DNAH7: variants seen among roughly 807,000 people sequenced by gnomAD.
The protein encoded by DNAH7 is axonemal beta dynein heavy chain 7.
Under a neutral mutation model 444.6 loss-of-function variants are expected in DNAH7, and 397 were observed. The observed-to-expected ratio is 0.89, with a 90% CI of 0.82 to 0.97. The LOEUF is 0.97. Among genes scored for constraint, DNAH7 ranks in the 50% least tolerant of loss-of-function variants. The probability of loss-of-function intolerance (pLI) is 0.00; values close to 1 mark genes in which losing one functional copy is unlikely to be tolerated. For synonymous variants in DNAH7, 1,636 were observed against 1,624.4 expected, an observed-to-expected ratio of 1.01 and a Z score of -0.17; for missense variants, 4,902 against 4,800.8, an observed-to-expected ratio of 1.02 and a Z score of -0.62.
At chr2:195,982,979 T>C (rs1421186799) in intron 15 of DNAH7, among the ~76,000 whole-genome samples, 2 of 152,170 alleles carry the variant, frequency 1.3e-5, no homozygotes, top group Non-Finnish European at 2.9e-5. Flanking sequence ...TAAAAGTATG[T>C]AATTGGATTG....
At position 195,737,933 on chromosome 2, in the gene DNAH7, T is replaced by TTGAC. The variant is rs1692737409; in HGVS notation, c.12059_12062dup (p.Leu4022SerfsTer3). 2.5e-6 allele frequency: 4 copies of TTGAC among 1,613,890 alleles called. No individual in the cohort carries two copies. Among genetic ancestry groups the TTGAC allele is most frequent in the Middle Eastern group, 1.7e-4 (1 of 6,058 alleles). ...TGATGTCTTCTGGTTATGAATTAAG[T>TTGAC]TGACATAACAGTGCTACACCTCGTC... On this transcript the variant is annotated frameshift_variant, in exon 65 of 65. Transcript: ENST00000312428. LOFTEE classifies it high-confidence loss of function.
At chr2:195,806,295 TTTG>T (rs1296876689) in intron 54 of DNAH7, among the ~76,000 whole-genome samples, 2 of 152,180 alleles carry the variant, frequency 1.3e-5, no homozygotes, top group African/African-American at 4.8e-5. Context: ...GACATTTTCC[TTTG>T]TTGTCAATAA....
chr2:195,828,666 G>C (rs1482391198), intron 48 of DNAH7, among the ~76,000 whole-genome samples: 1 of 148,490 alleles, frequency 6.7e-6, no homozygotes, highest in Admixed American at 6.7e-5. Flanking sequence ...CCCATCAAAG[G>C]ACTATGTTTC....
Position 195,936,806 on chromosome 2 carries a change from T to TAA in DNAH7, c.3079-16_3079-15dup. 2 of 1,483,514 alleles carry TAA rather than the reference T, an allele frequency of 1.3e-6. No homozygotes were observed. The highest frequency in any genetic ancestry group is 1.8e-6 in the Non-Finnish European group (2 of 1,117,644). The allele number at this position is 1,483,514 out of a possible 1,614,324, so 91.9% of individuals were successfully genotyped here. A position where few individuals can be genotyped will look rare whatever the true frequency, so the allele number is the denominator to read the frequency against. Reference sequence around the variant, plus strand: ...AACATGTTTATCCTAAAAATAAAAATAAAAAACACTCAATTCAAAAATATT... The same window carrying TAA: ...AACATGTTTATCCTAAAAATAAAAATAAAAAAAACACTCAATTCAAAAATATT... On this transcript the variant is annotated splice_polypyrimidine_tract_variant and intron_variant, in intron 19 of 64. Transcript: ENST00000312428.
At chr2:195,778,669 T>TACACAC (rs1198664361) in intron 58 of DNAH7, among the ~76,000 whole-genome samples, 10 of 64,064 alleles carry the variant, frequency 1.6e-4, no homozygotes, top group African/African-American at 7.8e-4. Flanking sequence ...TATATATATA[T>TACACAC]ACACACACAC....
At chr2:195,902,589 T>C (rs1406068534) in intron 27 of DNAH7, 1 of 152,202 alleles carries the variant, frequency 6.6e-6, no homozygotes, top group Non-Finnish European at 1.5e-5. Flanking sequence ...CTGTGTGTTG[T>C]AGGTTTCCCT....
chr2:195,890,299 T>A (rs191873712), intron 31 of DNAH7, among the ~76,000 whole-genome samples: 2 of 152,190 alleles, frequency 1.3e-5, no homozygotes, highest in Non-Finnish European at 2.9e-5. Context: ...GGGCTTCCCA[T>A]GCCTGTTATG....
intron 9 of DNAH7, among the ~76,000 whole-genome samples, chr2:196,015,070 C>T (rs773026958): frequency 1.3e-5 from 2 of 152,080 alleles, no homozygotes; most frequent in Non-Finnish European, 2.9e-5. Flanking sequence ...TGCGTCTGTA[C>T]ACTACTTATC....
chr2:195,740,780 CAT>C lies in DNAH7; in HGVS notation c.11852_11853del (p.Tyr3951Ter). On this transcript the variant is annotated frameshift_variant, in exon 64 of 65. Transcript: ENST00000312428. LOFTEE classifies it low-confidence loss of function (END_TRUNC). ...KLAESHPKIL[Y>X]DTVPVMWLKP... The stretch of plus-strand genomic sequence containing the variant: ...AATTTACTAACCACAGGCACTGTAT[CAT>C]AAAGAATTTTGGGATGCGATTCTGC... 2.6e-6 allele frequency: 4 copies of C among 1,540,634 alleles called. No individual in the cohort carries two copies. Among genetic ancestry groups the C allele is most frequent in the Non-Finnish European group, 3.5e-6 (4 of 1,141,910 alleles).
rs765681330 is a variant in DNAH7, at chr2:196,047,498, A to G, written c.252T>C (p.Ala84=). Residue 84 remains alanine, a splice_region_variant and synonymous_variant, in exon 5 of 65, where the codon GCT becomes GCC. Transcript: ENST00000312428. The part of the protein sequence containing the change: ...PFSVKNEQSH[A]EYMERFGKKG... ...TTTTTCCAAAACGTTCCATGTATTC[A>G]GCTTAAATTAAAACAAAAAAAAAAG... 1.9e-6 allele frequency: 3 copies of G among 1,555,634 alleles called. No homozygotes were observed. The South Asian group carries it at 3.8e-5, about 20-fold the overall frequency.
chr2:195,858,999 C>T (rs1448793970), intron 42 of DNAH7, among the ~76,000 whole-genome samples, 195 bp from the exon 43 acceptor site: 1 of 152,170 alleles, frequency 6.6e-6, no homozygotes, highest in East Asian at 1.9e-4. Flanking sequence ...TAAGAGCAGA[C>T]AGCGTGTTTT....
chr2:195,889,398 C>T (rs997632433), intron 31 of DNAH7, among the ~76,000 whole-genome samples: 1 of 151,496 alleles, frequency 6.6e-6, no homozygotes, highest in African/African-American at 2.4e-5. Flanking sequence ...TCACTGCAGT[C>T]TTTGACTCCC....
intron 5 of DNAH7, among the ~76,000 whole-genome samples, chr2:196,046,410 T>G (rs1479314562): frequency 6.6e-6 from 1 of 152,180 alleles, no homozygotes; most frequent in Non-Finnish European, 1.5e-5. Context: ...CTTATCTTTC[T>G]TGGGCAGGGC....
chr2:195,961,628 C>T (rs1003272480), intron 17 of DNAH7, among the ~76,000 whole-genome samples: 5 of 152,130 alleles, frequency 3.3e-5, no homozygotes, highest in Non-Finnish European at 7.4e-5. Flanking sequence ...TTTTTTATTA[C>T]AGTTTTCAGA....
At chr2:195,958,513 C>T (rs927276051) in intron 18 of DNAH7, among the ~76,000 whole-genome samples, 4 of 152,002 alleles carry the variant, frequency 2.6e-5, no homozygotes, top group Non-Finnish European at 4.4e-5. Context: ...GTCAGCGCCC[C>T]TAAAACCCCA....
intron 47 of DNAH7, among the ~76,000 whole-genome samples, chr2:195,842,639 TATTTCAAC>T (rs1698753444): frequency 2.6e-5 from 4 of 152,314 alleles, no homozygotes; most frequent in Admixed American, 2.6e-4. Context: ...TTTCTGCTAA[TATTTCAAC>T]ATTTCTACAA....
At chr2:195,740,628 TATATATATATATATATACATATACAC>T in intron 64 of DNAH7, 112 bp downstream of exon 64, 8 of 97,932 alleles carry the variant, frequency 8.2e-5, no homozygotes, top group African/African-American at 3.2e-4. Context: ...TATATATATA[TATATATATATATATATACATATACAC>T]ACACACATAT....
intron 39 of DNAH7, 107 bp from the exon 40 acceptor site, chr2:195,872,576 A>T (rs1056177383): frequency 8.5e-6 from 5 of 587,046 alleles, no homozygotes; most frequent in Non-Finnish European, 1.4e-5. Flanking sequence ...TTTTGATTAA[A>T]TCAATTTCAT....
At chr2:195,942,952 C>T (rs1689558358) in intron 19 of DNAH7, among the ~76,000 whole-genome samples, 1 of 152,112 alleles carries the variant, frequency 6.6e-6, no homozygotes, top group Non-Finnish European at 1.5e-5. Context: ...CCCTGTGTGT[C>T]ATAGGAGGGA....
Sources: gnomAD v4.1 joint callset for allele counts (sites outside exome capture counted in the v4.1 genomes callset) on GRCh38, gnomAD v4.1.1 for gene constraint, MANE v1.5 for transcripts, NCBI Gene and HGNC (gene_info 2026-07-23, HGNC 2026-07-21) for gene names.